Variants in GHR observed in about 807,000 individuals in gnomAD.
GHR encodes growth hormone receptor.
In GHR, 35 loss-of-function variants were observed where a neutral mutation model predicts 67.1. The observed-to-expected ratio is 0.52, with a 90% CI of 0.40 to 0.69. The LOEUF is 0.69. Among genes scored for constraint, GHR ranks in the 30% least tolerant of loss-of-function variants. The probability of loss-of-function intolerance (pLI) is 0.00; values close to 1 mark genes in which losing one functional copy is unlikely to be tolerated. For synonymous variants in GHR, 272 were observed against 269.1 expected, an observed-to-expected ratio of 1.01 and a Z score of -0.10; for missense variants, 792 against 764.6, an observed-to-expected ratio of 1.04 and a Z score of -0.42.
intron 1 of GHR, among the ~76,000 whole-genome samples, chr5:42,475,855 T>C (rs144097331): frequency 4.7e-4 from 72 of 152,218 alleles, no homozygotes. Flanking sequence ...AAGAATTCCA[T>C]GCAAAGGATA....
chr5:42,647,847 T>G, intron 3 of GHR: 1 of 298,622 alleles, frequency 3.3e-6, no homozygotes, highest in Non-Finnish European at 6.5e-6. Flanking sequence ...GAATATAGCT[T>G]TCTTTTCTCT....
At chr5:42,478,032 C>A (rs1249966804) in intron 1 of GHR, among the ~76,000 whole-genome samples, 1 of 151,958 alleles carries the variant, frequency 6.6e-6, no homozygotes, top group Non-Finnish European at 1.5e-5. Flanking sequence ...ACATGTAAGT[C>A]TTTAATCCAT....
intron 1 of GHR, among the ~76,000 whole-genome samples, chr5:42,480,152 G>C (rs1419907785): frequency 6.6e-6 from 1 of 152,194 alleles, no homozygotes; most frequent in Admixed American, 6.5e-5. Context: ...GTACCCAGTA[G>C]TCATTCAGGA....
At chr5:42,671,349 C>T (rs1756285914) in intron 3 of GHR, among the ~76,000 whole-genome samples, 1 of 151,944 alleles carries the variant, frequency 6.6e-6, no homozygotes, top group South Asian at 2.1e-4. Context: ...CTCACAAGTA[C>T]TCACTCACTA....
intron 1 of GHR, among the ~76,000 whole-genome samples, chr5:42,492,330 G>A (rs1441863198): frequency 6.6e-6 from 1 of 152,184 alleles, no homozygotes. Flanking sequence ...TAAAATATGG[G>A]TGGTATAAAT....
chr5:42,554,013 G>A (rs914246597), intron 1 of GHR, among the ~76,000 whole-genome samples: 2 of 151,986 alleles, frequency 1.3e-5, no homozygotes, highest in African/African-American at 4.8e-5. Flanking sequence ...AACTTTTGGG[G>A]GCAGATGAGT....
At chr5:42,698,030 T>C (rs1277982931) in intron 5 of GHR, among the ~76,000 whole-genome samples, 1 of 152,158 alleles carries the variant, frequency 6.6e-6, no homozygotes, top group African/African-American at 2.4e-5. Flanking sequence ...GTTCATTGTT[T>C]TTATCCTGAG....
chr5:42,432,849 A>T (rs927606815), intron 1 of GHR, among the ~76,000 whole-genome samples: 1 of 152,230 alleles, frequency 6.6e-6, no homozygotes, highest in Non-Finnish European at 1.5e-5. Context: ...ACATTGGTGA[A>T]GCCATGCTTT....
Position 42,507,661 on chromosome 5 carries a change from C to T in GHR, c.-11-58203C>T, listed in dbSNP as rs537775736. 5.9e-5 allele frequency among the ~76,000 whole-genome samples: 9 copies of T among 152,296 alleles called. No homozygotes were observed. The South Asian group carries it at 1.7e-3, about 28-fold the overall frequency. ...AGCTAGCAAGGAATGCTGAGTCACT[C>T]GGACCCTAGCTGCCATGAGAAGCTA... is the stretch of plus-strand genomic sequence containing the variant. On this transcript the variant is annotated intron_variant, in intron 1 of 9. Transcript: ENST00000230882.
At chr5:42,606,980 G>A (rs1752658324) in intron 2 of GHR, among the ~76,000 whole-genome samples, 1 of 152,078 alleles carries the variant, frequency 6.6e-6, no homozygotes, top group Admixed American at 6.5e-5. Flanking sequence ...TTGGCTCTGT[G>A]TCCCCACCCA....
chr5:42,467,577 T>C, intron 1 of GHR: 1 of 1,581,262 alleles, frequency 6.3e-7, no homozygotes, highest in Non-Finnish European at 8.6e-7. Flanking sequence ...AGAGGTTTTT[T>C]TGATATACAG....
At chr5:42,436,792 A>C (rs984256778) in intron 1 of GHR, among the ~76,000 whole-genome samples, 8 of 152,122 alleles carry the variant, frequency 5.3e-5, no homozygotes, top group African/African-American at 1.9e-4. Context: ...ACTAATCTTT[A>C]TGTTTTGAGT....
intron 7 of GHR, 72 bp downstream of exon 7, chr5:42,711,444 A>G: frequency 9.8e-7 from 1 of 1,023,214 alleles, no homozygotes; most frequent in Non-Finnish European, 1.6e-6. Context: ...TCACCCCTGC[A>G]CTGGTAGTGT....
chr5:42,682,159 G>A (rs550873986), intron 3 of GHR, among the ~76,000 whole-genome samples: 37 of 152,118 alleles, frequency 2.4e-4, no homozygotes, highest in African/African-American at 7.5e-4. Context: ...CTCAGCAAAC[G>A]ATCACAAGAG....
intron 2 of GHR, among the ~76,000 whole-genome samples, chr5:42,604,883 A>T (rs998349518): frequency 6.6e-6 from 1 of 152,086 alleles, no homozygotes; most frequent in Non-Finnish European, 1.5e-5. Flanking sequence ...CTGTGAAATC[A>T]GTTACCTCCA....
At chr5:42,519,342 C>T (rs1322353384) in intron 1 of GHR, among the ~76,000 whole-genome samples, 2 of 152,138 alleles carry the variant, frequency 1.3e-5, no homozygotes, top group Non-Finnish European at 2.9e-5. Flanking sequence ...TCATTTTTCC[C>T]ATTATTCCTC....
chr5:42,579,161 TAGATA>T (rs1406224618), intron 2 of GHR, among the ~76,000 whole-genome samples: 6 of 116,452 alleles, frequency 5.2e-5, no homozygotes, highest in African/African-American at 2.0e-4. Flanking sequence ...TATAGATAGA[TAGATA>T]GATAGATAGA....
intron 2 of GHR, among the ~76,000 whole-genome samples, chr5:42,610,163 A>G (rs919779794): frequency 1.3e-5 from 2 of 152,202 alleles, no homozygotes; most frequent in Non-Finnish European, 2.9e-5. Context: ...TAAGGATAGC[A>G]TGTTCAAGGG....
At chr5:42,605,090 C>A (rs75532662) in intron 2 of GHR, among the ~76,000 whole-genome samples, 1 of 90,078 alleles carries the variant, frequency 1.1e-5, no homozygotes, top group Non-Finnish European at 2.1e-5. Flanking sequence ...TGTGGTGCCT[C>A]TTTTTTTTTT....
Sources: allele counts gnomAD v4.1 joint callset (sites outside exome capture counted in the v4.1 genomes callset), GRCh38; gene constraint gnomAD v4.1.1; transcripts MANE v1.5; gene names NCBI Gene and HGNC (gene_info 2026-07-23, HGNC 2026-07-21).